The following DNAH8 variants were observed in gnomAD, a reference collection of about 807,000 sequenced individuals.
DNAH8 encodes the protein dynein axonemal heavy chain 8.
DNAH8 carries 382 observed loss-of-function variants against 562.1 expected under a neutral mutation model. The ratio of observed to expected loss-of-function variants is 0.68; its 90% CI spans 0.63 to 0.74. The LOEUF is 0.74. DNAH8 is among the 30% of genes least tolerant of loss of function. The pLI is 0.00. For missense variants in DNAH8, 5,203 were observed against 5,620.4 expected, an observed-to-expected ratio of 0.93 and a Z score of 2.37; for synonymous variants, 1,881 against 1,919.4, an observed-to-expected ratio of 0.98 and a Z score of 0.52.
At chr6:38,717,517 G>C (rs1030316802) in intron 1 of DNAH8, among the ~76,000 whole-genome samples, 10 of 151,576 alleles carry the variant, frequency 6.6e-5, no homozygotes, top group African/African-American at 2.4e-4. Context: ...TCAAGACTGG[G>C]TTTCTCCATG....
chr6:38,890,980 C>T (rs1357768642), intron 58 of DNAH8, among the ~76,000 whole-genome samples: 3 of 152,122 alleles, frequency 2.0e-5, no homozygotes, highest in Non-Finnish European at 4.4e-5. Flanking sequence ...TACTGTAAAC[C>T]AGACATGACA....
chr6:38,895,952 C>A, intron 59 of DNAH8, 81 bp from the exon 60 acceptor site: 1 of 1,205,796 alleles, frequency 8.3e-7, no homozygotes, highest in Non-Finnish European at 1.2e-6. Context: ...CAGGGTGGGG[C>A]TGAGAAGAGG....
intron 75 of DNAH8, 55 bp downstream of exon 75, chr6:38,929,721 A>G: frequency 7.0e-7 from 1 of 1,428,390 alleles, no homozygotes; most frequent in Non-Finnish European, 9.3e-7. Flanking sequence ...AAAAAGAAAA[A>G]AAGAAAAAAA....
intron 31 of DNAH8, among the ~76,000 whole-genome samples, chr6:38,834,087 C>T (rs1388644022): frequency 1.3e-5 from 2 of 152,170 alleles, no homozygotes; most frequent in Non-Finnish European, 2.9e-5. Flanking sequence ...ACATGTGTCC[C>T]TATTTCCATA....
At chr6:38,841,975 C>T (rs774573253) in intron 33 of DNAH8, among the ~76,000 whole-genome samples, 1 of 152,140 alleles carries the variant, frequency 6.6e-6, no homozygotes, top group Non-Finnish European at 1.5e-5. Flanking sequence ...CTCATAAAAT[C>T]CAGCTTGTAT....
At chr6:38,958,942 A>C (rs1198240460) in intron 82 of DNAH8, among the ~76,000 whole-genome samples, 1 of 152,156 alleles carries the variant, frequency 6.6e-6, no homozygotes, top group African/African-American at 2.4e-5. Context: ...GATCATTCAC[A>C]TTGATTAAAT....
chr6:38,812,762 G>A (rs1054608216), intron 24 of DNAH8, among the ~76,000 whole-genome samples: 14 of 152,008 alleles, frequency 9.2e-5, no homozygotes, highest in African/African-American at 3.1e-4. Flanking sequence ...TATTCTTAAG[G>A]TTAAAGGAGT....
At chr6:38,850,468 C>A in intron 38 of DNAH8, 54 bp downstream of exon 38, 1 of 1,497,696 alleles carries the variant, frequency 6.7e-7, no homozygotes, top group Non-Finnish European at 9.2e-7. Flanking sequence ...AGTGTTTTAT[C>A]CCAAACTTAC....
intron 23 of DNAH8, among the ~76,000 whole-genome samples, chr6:38,805,943 G>C (rs1178176748): frequency 6.6e-6 from 1 of 152,184 alleles, no homozygotes; most frequent in Non-Finnish European, 1.5e-5. Context: ...GTGTTTAATG[G>C]TTATCTGTAT....
At position 38,929,676 on chromosome 6, in the gene DNAH8, G is replaced by GT. The variant is rs781608642; in HGVS notation, c.11274+11dup. 7.1e-6 allele frequency: 7 copies of GT among 990,532 alleles called. No individual in the cohort carries two copies. The South Asian group carries it at 1.4e-4, about 20-fold the overall frequency. 61.4% of individuals were successfully genotyped at this position (990,532 alleles called of 1,614,324 possible). A position where few individuals can be genotyped will look rare whatever the true frequency, so the allele number is the denominator to read the frequency against. On this transcript the variant is annotated intron_variant, in intron 75 of 92. Coordinates refer to ENST00000327475, the MANE Select transcript of DNAH8 (RefSeq NM_001206927.2). ...TGGCACCACTTTCAAGGTGAGCTTT[G>GT]TAAAAAAAAAAAAAAAGAAAGAAAG... is the stretch of plus-strand genomic sequence containing the variant.
intron 32 of DNAH8, among the ~76,000 whole-genome samples, 166 bp downstream of exon 32, chr6:38,834,807 T>C (rs1433444613): frequency 6.6e-6 from 1 of 152,198 alleles, no homozygotes; most frequent in Non-Finnish European, 1.5e-5. Context: ...TCTGTCTCCC[T>C]CCATGCTCCT....
At chr6:38,918,489 C>CTT (rs1781472711) in intron 70 of DNAH8, among the ~76,000 whole-genome samples, 1 of 152,110 alleles carries the variant, frequency 6.6e-6, no homozygotes, top group African/African-American at 2.4e-5. Context: ...TCAAACAAAA[C>CTT]TTATAAAATT....
chr6:38,979,548 AG>A (rs1486402285), intron 85 of DNAH8, among the ~76,000 whole-genome samples: 1 of 152,248 alleles, frequency 6.6e-6, no homozygotes. Flanking sequence ...CATTTGTGAA[AG>A]AAAAGGCACC....
intron 5 of DNAH8, among the ~76,000 whole-genome samples, chr6:38,735,773 C>T (rs1411584923): frequency 6.6e-6 from 1 of 152,160 alleles, no homozygotes; most frequent in Admixed American, 6.5e-5. Flanking sequence ...CTATTAAACC[C>T]TTTTAATGGA....
At position 38,883,095 on chromosome 6, in the gene DNAH8, A is replaced by G. The variant is rs1230679756; in HGVS notation, c.8001+43A>G. The G allele has an allele frequency of 6.6e-6, 10 of 1,505,460 alleles. No individual in the cohort carries two copies. The South Asian group carries it at 1.4e-4, about 22-fold the overall frequency. The allele number at this position is 1,505,460 out of a possible 1,614,324, so 93.3% of individuals were successfully genotyped here. A position where few individuals can be genotyped will look rare whatever the true frequency, so the allele number is the denominator to read the frequency against. On this transcript the variant is annotated intron_variant, in intron 54 of 92. Transcript: ENST00000327475. ...TTCCTTAAATGATCACAAACCATCC[A>G]TGGCCACGGGAATATGCACCCATAT...
intron 82 of DNAH8, among the ~76,000 whole-genome samples, chr6:38,965,513 A>G (rs1762911999): frequency 6.6e-6 from 1 of 152,228 alleles, no homozygotes; most frequent in Non-Finnish European, 1.5e-5. Context: ...TATATTATTT[A>G]ATTAGAAGTA....
intron 88 of DNAH8, among the ~76,000 whole-genome samples, chr6:38,993,640 G>T (rs1204466715): frequency 1.3e-5 from 2 of 151,850 alleles, no homozygotes; most frequent in South Asian, 2.1e-4. Context: ...TATACATATT[G>T]TTATTACCCT....
intron 3 of DNAH8, among the ~76,000 whole-genome samples, chr6:38,729,451 G>A (rs1763489061): frequency 6.6e-6 from 1 of 152,176 alleles, no homozygotes; most frequent in Non-Finnish European, 1.5e-5. Flanking sequence ...GTATGATAAT[G>A]TGTTTTTACT....
intron 7 of DNAH8, among the ~76,000 whole-genome samples, chr6:38,739,638 C>G (rs1764372966): frequency 6.6e-6 from 1 of 152,056 alleles, no homozygotes; most frequent in African/African-American, 2.4e-5. Flanking sequence ...GAGACCCAGC[C>G]TCAAAATAAA....
Sources: gnomAD v4.1 joint callset for allele counts (sites outside exome capture counted in the v4.1 genomes callset) on GRCh38, gnomAD v4.1.1 for gene constraint, MANE v1.5 for transcripts, NCBI Gene and HGNC (gene_info 2026-07-23, HGNC 2026-07-21) for gene names.